Variants in SLC12A3 observed in about 807,000 individuals in gnomAD.
SLC12A3 encodes solute carrier family 12 member 3.
In SLC12A3, 104 loss-of-function variants were observed where a neutral mutation model predicts 121.0. That is an observed-to-expected ratio of 0.86 (90% confidence interval 0.73 to 1.01). SLC12A3 has a LOEUF of 1.01. Ranked by LOEUF, SLC12A3 falls within the 50% of genes least tolerant of loss-of-function variation. The pLI is 0.00. For missense variants in SLC12A3, 1,328 were observed against 1,356.3 expected, an observed-to-expected ratio of 0.98 and a Z score of 0.33; for synonymous variants, 536 against 533.4, an observed-to-expected ratio of 1.00 and a Z score of -0.07.
Position 56,888,038 on chromosome 16 carries a change from CGGG to C in SLC12A3, c.2285+10_2285+12del, listed in dbSNP as rs562443353. 734 of 1,598,756 alleles carry C rather than the reference CGGG, an allele frequency of 4.6e-4. 2 individuals carry two copies. The highest frequency in any genetic ancestry group is 1.8e-3 in the Admixed American group (110 of 59,858). ...ACTACATTGGCATCCTCCAGTGAGT[CGGG>C]GGAGAGGAAGGGGCTTGGGGTCTGT... On this transcript the variant is annotated splice_region_variant and intron_variant, in intron 18 of 25. Coordinates refer to ENST00000563236, the MANE Select transcript of SLC12A3 (RefSeq NM_001126108.2).
chr16:56,878,459 A>G (rs571290853), intron 9 of SLC12A3, among the ~76,000 whole-genome samples: 497 of 147,434 alleles, frequency 3.4e-3, no homozygotes, highest in Non-Finnish European at 6.2e-3. Flanking sequence ...GGACAAATCT[A>G]GGAGTGATGA....
intron 12 of SLC12A3, among the ~76,000 whole-genome samples, chr16:56,882,020 G>C (rs1273015412): frequency 6.7e-6 from 1 of 150,044 alleles, no homozygotes; most frequent in Admixed American, 6.7e-5. Context: ...CTGCACTCCA[G>C]CCTGGGTGAC....
chr16:56,872,657 G>C lies in SLC12A3; in HGVS notation c.966G>C (p.Ala322=), dbSNP rs149172580. 1 of 1,614,242 alleles carries C rather than the reference G, an allele frequency of 6.2e-7. No homozygotes were observed. Among genetic ancestry groups the C allele is most frequent in the East Asian group, 2.2e-5 (1 of 44,888 alleles). The change falls in exon 8 of 26, where the codon GCG becomes GCC. Residue 322 remains alanine, a splice_region_variant and synonymous_variant. Transcript: ENST00000563236. ...ACTCATCAGGCCTTGCTTTTCCAGCGGACATTTTTGTCCAGAACTTGGTGC... is the reference window on the plus strand; with the variant it reads ...ACTCATCAGGCCTTGCTTTTCCAGCCGACATTTTTGTCCAGAACTTGGTGC... ...KASKGFFSYR[A]DIFVQNLVPD...
At chr16:56,888,154 C>CTGTAAA in intron 18 of SLC12A3, 123 bp downstream of exon 18, 1 of 683,322 alleles carries the variant, frequency 1.5e-6, no homozygotes, top group Non-Finnish European at 2.6e-6. Flanking sequence ...TGGCTGGCAT[C>CTGTAAA]TGTAGTCCCA....
At chr16:56,909,232 A>C (rs1395546657) in intron 25 of SLC12A3, among the ~76,000 whole-genome samples, 1 of 151,830 alleles carries the variant, frequency 6.6e-6, no homozygotes, top group African/African-American at 2.4e-5. Context: ...GCTGAGGCTG[A>C]AGGATTGATC....
chr16:56,877,641 G>GGCACATCCCTGACAGATGA (rs2055179957), intron 8 of SLC12A3, among the ~76,000 whole-genome samples: 1 of 152,062 alleles, frequency 6.6e-6, no homozygotes, highest in African/African-American at 2.4e-5. Flanking sequence ...ATGAGGGGCC[G>GGCACATCCCTGACAGATGA]GGGTGTGAGA....
intron 2 of SLC12A3, among the ~76,000 whole-genome samples, chr16:56,867,873 C>T (rs1295967069): frequency 2.0e-5 from 3 of 152,222 alleles, no homozygotes; most frequent in Non-Finnish European, 4.4e-5. Context: ...AAGCTGAAGT[C>T]ACAGCCACCT....
intron 1 of SLC12A3, among the ~76,000 whole-genome samples, chr16:56,866,134 C>T (rs1964350289): frequency 6.6e-6 from 1 of 151,878 alleles, no homozygotes; most frequent in Non-Finnish European, 1.5e-5. Flanking sequence ...TACAGGAGCG[C>T]ACCACCACAC....
In SLC12A3 at chr16:56,914,792, A is replaced by C. The variant is rs1370117365; in HGVS notation, c.*1387A>C. 3 of 152,366 alleles carry C rather than the reference A, an allele frequency of 2.0e-5. No homozygotes were observed. Among genetic ancestry groups the C allele is most frequent in the African/African-American group, 4.8e-5 (2 of 41,432 alleles). The allele number at this position is 152,366 out of a possible 1,614,324, so 9.4% of individuals were successfully genotyped here. A position where few individuals can be genotyped will look rare whatever the true frequency, so the allele number is the denominator to read the frequency against. The stretch of plus-strand genomic sequence containing the variant: ...CAGACGACAAGGATGTCAGGAATGA[A>C]GATGTGGAGAGGGGTGTAGAGATGG... On this transcript the variant is annotated 3_prime_UTR_variant, in exon 26 of 26. Coordinates refer to ENST00000563236, the MANE Select transcript of SLC12A3 (RefSeq NM_001126108.2).
In SLC12A3 at chr16:56,894,706, G is replaced by A; in HGVS notation, c.2633+64G>A. The A allele has an allele frequency of 2.4e-6, 3 of 1,250,170 alleles. No homozygotes were observed. The South Asian group carries it at 3.7e-5, about 15-fold the overall frequency. The allele number at this position is 1,250,170 out of a possible 1,614,324, so 77.4% of individuals were successfully genotyped here. A position where few individuals can be genotyped will look rare whatever the true frequency, so the allele number is the denominator to read the frequency against. ...CCAGTGTCATCTTAGCTCCACCCAA[G>A]GCTGTCCCCTACCCTAGATCCTCTA... On this transcript the variant is annotated intron_variant, in intron 22 of 25. Coordinates refer to ENST00000563236, the MANE Select transcript of SLC12A3 (RefSeq NM_001126108.2).
Position 56,879,152 on chromosome 16 carries a change from C to T in SLC12A3, c.1260C>T (p.Ala420=). The T allele has an allele frequency of 6.2e-7, 1 of 1,613,842 alleles. No homozygotes were observed. Among genetic ancestry groups the T allele is most frequent in the Non-Finnish European group, 8.5e-7 (1 of 1,180,014 alleles). ...TPGWGACEGL[A]CSYGWNFTEC... The stretch of plus-strand genomic sequence containing the variant: ...GCTGGGGTGCCTGCGAGGGGCTGGC[C>T]TGCAGCTATGGCTGGAACTTCACCG... The change falls in exon 10 of 26, where the codon GCC becomes GCT. Residue 420 remains alanine, a synonymous_variant. Coordinates refer to ENST00000563236, the MANE Select transcript of SLC12A3 (RefSeq NM_001126108.2).
Position 56,865,635 on chromosome 16 carries a change from T to C in SLC12A3, c.282+118T>C. 10 of 1,167,038 alleles carry C rather than the reference T, an allele frequency of 8.6e-6. No individual in the cohort carries two copies. In the South Asian group the frequency reaches 1.3e-4, roughly 15 times the overall value. 72.3% of individuals were successfully genotyped at this position (1,167,038 alleles called of 1,614,324 possible). On this transcript the variant is annotated intron_variant, in intron 1 of 25. Transcript: ENST00000563236. ...CCATGGGGATGGAGGAGCGTCTTCT[T>C]CCTGGGTTGAGAGGCCCCAGTGAAA...
intron 6 of SLC12A3, among the ~76,000 whole-genome samples, chr16:56,871,339 T>C (rs574970611): frequency 3.3e-5 from 5 of 152,302 alleles, no homozygotes; most frequent in African/African-American, 1.2e-4. Context: ...GGGAATTCCC[T>C]TTTCTCTTTC....
chr16:56,899,495 AAG>A, intron 22 of SLC12A3, 33 bp from the exon 23 acceptor site: 4 of 1,532,356 alleles, frequency 2.6e-6, no homozygotes, highest in Non-Finnish European at 3.6e-6. Context: ...TCTCAAGAAA[AAG>A]TAATAACAAT....
intron 19 of SLC12A3, 49 bp from the exon 20 acceptor site, chr16:56,892,034 G>A: frequency 7.2e-7 from 1 of 1,392,290 alleles, no homozygotes; most frequent in Non-Finnish European, 1.0e-6. Flanking sequence ...AACCCACGGT[G>A]CCCTCAGACA....
intron 13 of SLC12A3, among the ~76,000 whole-genome samples, chr16:56,882,886 G>A (rs1231510362): frequency 6.6e-6 from 1 of 152,214 alleles, no homozygotes; most frequent in African/African-American, 2.4e-5. Flanking sequence ...AGGTTACAGT[G>A]AGCAGAGATC....
chr16:56,902,311 C>G, intron 23 of SLC12A3, 62 bp from the exon 24 acceptor site: 3 of 1,610,892 alleles, frequency 1.9e-6, no homozygotes, highest in Non-Finnish European at 2.5e-6. Context: ...CCGCAGGGAC[C>G]TGGCACCCCT....
At position 56,902,479 on chromosome 16, in the gene SLC12A3, G is replaced by A; in HGVS notation, c.2827G>A (p.Asp943Asn). 1 of 1,412,994 alleles carries A rather than the reference G, an allele frequency of 7.1e-7. No homozygotes were observed. Among genetic ancestry groups the A allele is most frequent in the African/African-American group, 1.4e-5 (1 of 69,076 alleles). The allele number at this position is 1,412,994 out of a possible 1,614,324, so 87.5% of individuals were successfully genotyped here. A position where few individuals can be genotyped will look rare whatever the true frequency, so the allele number is the denominator to read the frequency against. ...GCGGGACTGCCCCTGGAAGATCTCA[G>A]ATGAGGAGATTACGAAGAACAGAGT... ...MRRDCPWKIS[D>N]EEITKNRVKS... Residue 943 changes from aspartate (D) to asparagine (N), a missense_variant, in exon 24 of 26, where the codon GAT becomes AAT. Asp to Asn is a conservative substitution (Grantham distance 23, BLOSUM62 1). Coordinates refer to ENST00000563236, the MANE Select transcript of SLC12A3 (RefSeq NM_001126108.2).
At chr16:56,894,951 C>G (rs866937046) in intron 22 of SLC12A3, among the ~76,000 whole-genome samples, 24 of 138,320 alleles carry the variant, frequency 1.7e-4, no homozygotes, top group African/African-American at 6.5e-4. Context: ...TAACAAGAAG[C>G]ATAAAAATAA....
Sources: allele counts gnomAD v4.1 joint callset (sites outside exome capture counted in the v4.1 genomes callset), GRCh38; gene constraint gnomAD v4.1.1; transcripts MANE v1.5; gene names NCBI Gene and HGNC (gene_info 2026-07-23, HGNC 2026-07-21).